ERC2: variants seen among roughly 807,000 people sequenced by gnomAD.
ERC2 encodes the protein ERC protein 2.
A neutral mutation model predicts 114.8 loss-of-function variants in ERC2; 42 were observed. That is an observed-to-expected ratio of 0.37 (90% CI 0.29 to 0.47). ERC2 has a LOEUF of 0.47. ERC2 is among the 20% of genes least tolerant of loss of function. The probability of loss-of-function intolerance (pLI) is 0.99; values close to 1 mark genes in which losing one functional copy is unlikely to be tolerated. For missense variants in ERC2, 939 were observed against 1,150.7 expected (o/e 0.82, Z 2.66); for synonymous variants, 454 against 425.5 (o/e 1.07, Z -0.82).
chr3:55,751,610 T>C (rs887853187), intron 14 of ERC2, among the ~76,000 whole-genome samples: 3 of 152,240 alleles, frequency 2.0e-5, no homozygotes, highest in Middle Eastern at 3.4e-3. Flanking sequence ...TAGAGTAACA[T>C]AGATGAGGCT....
At chr3:56,051,338 A>G (rs2075754973) in intron 7 of ERC2, among the ~76,000 whole-genome samples, 1 of 152,190 alleles carries the variant, frequency 6.6e-6, no homozygotes, top group Non-Finnish European at 1.5e-5. Context: ...ATTACATGAT[A>G]AGCCAGCTGT....
At chr3:56,410,264 G>A (rs1427376826) in intron 2 of ERC2, among the ~76,000 whole-genome samples, 3 of 152,180 alleles carry the variant, frequency 2.0e-5, no homozygotes, top group Non-Finnish European at 2.9e-5. Flanking sequence ...CATAAATTTA[G>A]TAAGTGAACT....
At chr3:55,534,423 G>A (rs1212956836) in intron 17 of ERC2, among the ~76,000 whole-genome samples, 2 of 149,460 alleles carry the variant, frequency 1.3e-5, no homozygotes, top group Non-Finnish European at 3.0e-5. Context: ...GCCAGGCTTG[G>A]TGGCTCCCGC....
In ERC2 at chr3:55,942,525, C is replaced by T. The variant is rs868351815; in HGVS notation, c.2403+7900G>A. Among the ~76,000 whole-genome samples the T allele has an allele frequency of 2.7e-3, 415 of 151,056 alleles. 4 individuals carry two copies. Among genetic ancestry groups the T allele is most frequent in the African/African-American group, 9.5e-3 (393 of 41,186 alleles). ...TTTTAGCCGGGATGGTCTCGATCTC[C>T]TGACCTCGTGATCCGCCCGCCTCGG... is the stretch of plus-strand genomic sequence containing the variant. On this transcript the variant is annotated intron_variant, in intron 13 of 17. Coordinates refer to ENST00000288221, the MANE Select transcript of ERC2 (RefSeq NM_015576.3).
chr3:56,457,321 G>A (rs2063109016), intron 1 of ERC2, among the ~76,000 whole-genome samples: 1 of 152,108 alleles, frequency 6.6e-6, no homozygotes, highest in African/African-American at 2.4e-5. Context: ...TTCCTCACCT[G>A]GAAAATGGTC....
chr3:56,408,921 G>A (rs1432542728), intron 2 of ERC2, among the ~76,000 whole-genome samples: 1 of 152,252 alleles, frequency 6.6e-6, no homozygotes, highest in African/African-American at 2.4e-5. Flanking sequence ...AGGCTGGCGT[G>A]GCCAGGAGTT....
chr3:55,790,815 T>C (rs993957440), intron 14 of ERC2, among the ~76,000 whole-genome samples: 10 of 152,240 alleles, frequency 6.6e-5, no homozygotes, highest in African/African-American at 2.4e-4. Flanking sequence ...CATAAATGTT[T>C]ACTGAATGAA....
intron 2 of ERC2, among the ~76,000 whole-genome samples, chr3:56,314,180 C>T (rs1001189837): frequency 1.3e-5 from 2 of 152,180 alleles, no homozygotes; most frequent in African/African-American, 4.8e-5. Context: ...GTCAGATAAC[C>T]TTGAATGGGC....
chr3:56,174,496 C>T (rs1560307767), intron 3 of ERC2, among the ~76,000 whole-genome samples: 1 of 152,180 alleles, frequency 6.6e-6, no homozygotes, highest in Non-Finnish European at 1.5e-5. Flanking sequence ...TCTGCTTCCA[C>T]AAAAATCAAT....
At chr3:55,968,016 T>C (rs906666144) in intron 12 of ERC2, among the ~76,000 whole-genome samples, 3 of 152,216 alleles carry the variant, frequency 2.0e-5, no homozygotes, top group Admixed American at 1.3e-4. Flanking sequence ...GTGGTATATA[T>C]AGCACCACAA....
intron 14 of ERC2, among the ~76,000 whole-genome samples, chr3:55,775,044 G>A (rs2068491464): frequency 1.3e-5 from 2 of 152,094 alleles, no homozygotes; most frequent in African/African-American, 4.8e-5. Flanking sequence ...CAGCCTTGTG[G>A]GAGTCTTTCC....
chr3:55,831,066 G>A (rs1033638921), intron 14 of ERC2, among the ~76,000 whole-genome samples: 16 of 151,162 alleles, frequency 1.1e-4, no homozygotes, highest in Non-Finnish European at 1.6e-4. Flanking sequence ...CAGTACTTTG[G>A]GAGGCCAAGA....
Position 55,761,900 on chromosome 3 carries a change from T to C in ERC2, c.2565-26982A>G, listed in dbSNP as rs897109191. On this transcript the variant is annotated intron_variant, in intron 14 of 17. Coordinates refer to ENST00000288221, the MANE Select transcript of ERC2 (RefSeq NM_015576.3). ...CAAAAAAAAAAAAAAAAAAAGTATG[T>C]GGCTTTCTTTTCTCTCTCTCTCTGC... Among the ~76,000 whole-genome samples, 54 of 146,876 alleles carry C rather than the reference T, an allele frequency of 3.7e-4. 2 individuals are homozygous for C. In the South Asian group the frequency reaches 0.011, roughly 30 times the overall value.
intron 17 of ERC2, among the ~76,000 whole-genome samples, chr3:55,564,076 T>C (rs1016514201): frequency 3.9e-5 from 6 of 152,194 alleles, no homozygotes; most frequent in Admixed American, 3.3e-4. Context: ...TTGCTAAGCA[T>C]CTATTCTGTT....
intron 3 of ERC2, among the ~76,000 whole-genome samples, chr3:56,236,941 T>G (rs1041939165): frequency 6.6e-6 from 1 of 152,084 alleles, no homozygotes; most frequent in Non-Finnish European, 1.5e-5. Flanking sequence ...GGTAAAAACA[T>G]CAGGTCCAGC....
At chr3:55,852,245 G>T (rs996235693) in intron 14 of ERC2, among the ~76,000 whole-genome samples, 3 of 152,068 alleles carry the variant, frequency 2.0e-5, no homozygotes, top group Non-Finnish European at 4.4e-5. Context: ...CAAAAAAACT[G>T]ATGTAGTAAA....
chr3:55,968,806 T>C (rs2068940181), intron 12 of ERC2, among the ~76,000 whole-genome samples: 1 of 152,148 alleles, frequency 6.6e-6, no homozygotes, highest in Non-Finnish European at 1.5e-5. Context: ...CTGGTACAAA[T>C]AAAATTGAAT....
intron 3 of ERC2, among the ~76,000 whole-genome samples, chr3:56,294,514 G>A (rs2055301957): frequency 6.6e-6 from 1 of 152,198 alleles, no homozygotes; most frequent in African/African-American, 2.4e-5. Flanking sequence ...GTTGGCTGGA[G>A]GCCACCCTCA....
In ERC2 at chr3:55,738,452, C is replaced by T. The variant is rs181505863; in HGVS notation, c.2565-3534G>A. On this transcript the variant is annotated intron_variant, in intron 14 of 17. Coordinates refer to ENST00000288221, the MANE Select transcript of ERC2 (RefSeq NM_015576.3). Reference sequence around the variant, plus strand: ...GTTAAGCTTTCGGTCATCAAGTAAACAGCAGGTACATGGTTCAAAATCTTA... The same window carrying T: ...GTTAAGCTTTCGGTCATCAAGTAAATAGCAGGTACATGGTTCAAAATCTTA... 6.7e-4 allele frequency among the ~76,000 whole-genome samples: 102 copies of T among 152,230 alleles called. 1 individual carries two copies. Among genetic ancestry groups the T allele is most frequent in the African/African-American group, 2.3e-3 (97 of 41,552 alleles).
Sources: gnomAD v4.1 joint callset for allele counts (sites outside exome capture counted in the v4.1 genomes callset) on GRCh38, gnomAD v4.1.1 for gene constraint, MANE v1.5 for transcripts, NCBI Gene and HGNC (gene_info 2026-07-23, HGNC 2026-07-21) for gene names.